RBFOX1: variants seen among roughly 807,000 people sequenced by gnomAD.
RBFOX1 encodes the protein RNA binding protein fox-1 homolog 1.
Under a neutral mutation model 57.7 loss-of-function variants are expected in RBFOX1, and 8 were observed. That is an observed-to-expected ratio of 0.14 (90% confidence interval 0.08 to 0.25). The LOEUF is 0.25. Ranked by LOEUF, RBFOX1 falls within the 10% of genes least tolerant of loss-of-function variation. The probability of loss-of-function intolerance (pLI) is 1.00; values close to 1 mark genes in which losing one functional copy is unlikely to be tolerated. For synonymous variants in RBFOX1, 326 were observed against 222.4 expected, an observed-to-expected ratio of 1.47 and a Z score of -4.15; for missense variants, 611 against 548.5, an observed-to-expected ratio of 1.11 and a Z score of -1.14.
chr16:7,516,711 T>A (rs1198316248), intron 4 of RBFOX1, among the ~76,000 whole-genome samples: 1 of 152,248 alleles, frequency 6.6e-6, no homozygotes, highest in Non-Finnish European at 1.5e-5. Context: ...ATGGGAATGA[T>A]TTACTTGTAA....
At chr16:6,227,650 A>G (rs765537200) in intron 1 of RBFOX1, among the ~76,000 whole-genome samples, 4 of 152,184 alleles carry the variant, frequency 2.6e-5, no homozygotes, top group Non-Finnish European at 2.9e-5. Context: ...ATCTATGACC[A>G]TGAGTCCAGA....
At chr16:6,604,260 T>C (rs545865343) in intron 2 of RBFOX1, among the ~76,000 whole-genome samples, 5 of 152,284 alleles carry the variant, frequency 3.3e-5, no homozygotes, top group African/African-American at 1.2e-4. Context: ...ATCAAAGCCA[T>C]CAAAATGGCT....
intron 3 of RBFOX1, among the ~76,000 whole-genome samples, chr16:6,803,283 G>A (rs12447496): frequency 0.21 from 31,780 of 152,108 alleles, 4,330 homozygotes; most frequent in Non-Finnish European, 0.3. Context: ...TTTCAGGAAG[G>A]CCCACATCCC....
At chr16:7,227,552 G>A (rs1258913573) in intron 4 of RBFOX1, among the ~76,000 whole-genome samples, 3 of 152,214 alleles carry the variant, frequency 2.0e-5, no homozygotes, top group African/African-American at 4.8e-5. Context: ...CCTGGGGGCA[G>A]CTTTCGGAGT....
intron 1 of RBFOX1, among the ~76,000 whole-genome samples, chr16:6,225,904 G>T (rs546567939): frequency 6.6e-6 from 1 of 152,156 alleles, no homozygotes; most frequent in African/African-American, 2.4e-5. Flanking sequence ...CACTGAAGCC[G>T]TGCTTTTTGA....
chr16:6,080,685 T>A (rs1042281254), intron 1 of RBFOX1, among the ~76,000 whole-genome samples: 1 of 152,212 alleles, frequency 6.6e-6, no homozygotes, highest in African/African-American at 2.4e-5. Context: ...TGTACTCTTC[T>A]CTGAATGAAT....
chr16:5,902,182 C>G (rs1180456281), intron 4 of RBFOX1, among the ~76,000 whole-genome samples: 1 of 152,120 alleles, frequency 6.6e-6, no homozygotes, highest in Non-Finnish European at 1.5e-5. Flanking sequence ...ATTTATCGCC[C>G]TCTCTCACCC....
chr16:6,545,407 C>T (rs945993642), intron 2 of RBFOX1, among the ~76,000 whole-genome samples: 1 of 152,296 alleles, frequency 6.6e-6, no homozygotes, highest in Non-Finnish European at 1.5e-5. Context: ...CTCTCTTTCT[C>T]TCCAGGCCAT....
chr16:6,769,559 C>T (rs1487754630), intron 3 of RBFOX1, among the ~76,000 whole-genome samples: 2 of 152,156 alleles, frequency 1.3e-5, no homozygotes, highest in Non-Finnish European at 2.9e-5. Flanking sequence ...CTGTTTTTGC[C>T]TATTCGTGAC....
chr16:7,128,313 T>A (rs1349923676), intron 4 of RBFOX1, among the ~76,000 whole-genome samples: 1 of 152,230 alleles, frequency 6.6e-6, no homozygotes, highest in African/African-American at 2.4e-5. Flanking sequence ...CTTAACCCCA[T>A]TTTAATATGG....
intron 3 of RBFOX1, among the ~76,000 whole-genome samples, chr16:5,692,637 G>C (rs1008721939): frequency 4.6e-5 from 7 of 152,124 alleles, no homozygotes; most frequent in African/African-American, 1.7e-4. Flanking sequence ...CAGGAGGTGA[G>C]TACGTACACA....
intron 4 of RBFOX1, among the ~76,000 whole-genome samples, chr16:7,102,750 C>T (rs2062905449): frequency 6.6e-6 from 1 of 152,130 alleles, no homozygotes. Context: ...TTAACATTAA[C>T]CTTTTACTAA....
chr16:5,759,293 G>A lies in RBFOX1; in HGVS notation c.319-108010G>A, dbSNP rs760907813. ...CAGGAAGCCATCTCTGGGTACACATGCTGTTTGCCCATAGTGGGAATTGGT... is the reference window on the plus strand; with the variant it reads ...CAGGAAGCCATCTCTGGGTACACATACTGTTTGCCCATAGTGGGAATTGGT... On this transcript the variant is annotated intron_variant, in intron 3 of 19. Coordinates refer to the RBFOX1 transcript ENST00000641259. Among the ~76,000 whole-genome samples, 2 of 152,176 alleles carry A rather than the reference G, an allele frequency of 1.3e-5. 1 individual carries two copies. Among genetic ancestry groups the A allele is most frequent in the South Asian group, 4.2e-4 (2 of 4,814 alleles).
At chr16:6,440,872 A>G (rs1277078648) in intron 2 of RBFOX1, among the ~76,000 whole-genome samples, 1 of 151,828 alleles carries the variant, frequency 6.6e-6, no homozygotes. Flanking sequence ...AGTCAAGTGC[A>G]ACAGTGAACA....
At chr16:5,708,825 A>G (rs984129230) in intron 3 of RBFOX1, among the ~76,000 whole-genome samples, 1 of 152,178 alleles carries the variant, frequency 6.6e-6, no homozygotes, top group African/African-American at 2.4e-5. Flanking sequence ...GGGAGCTGCC[A>G]TGGGCCACAA....
intron 1 of RBFOX1, among the ~76,000 whole-genome samples, chr16:6,022,208 T>C (rs1163530814): frequency 2.0e-5 from 3 of 152,136 alleles, no homozygotes; most frequent in Non-Finnish European, 2.9e-5. Context: ...TGAAAGGACT[T>C]GATCTCCTTG....
At chr16:6,403,860 C>G (rs1347102875) in intron 2 of RBFOX1, among the ~76,000 whole-genome samples, 1 of 151,952 alleles carries the variant, frequency 6.6e-6, no homozygotes, top group Non-Finnish European at 1.5e-5. Context: ...AATTAAGGTC[C>G]AATGAGATTA....
chr16:7,583,624 A>G (rs1033981530), intron 6 of RBFOX1, among the ~76,000 whole-genome samples: 10 of 152,334 alleles, frequency 6.6e-5, no homozygotes, highest in African/African-American at 2.4e-4. Flanking sequence ...CAATGACTAC[A>G]GTTCTCAAAT....
Position 5,745,319 on chromosome 16 carries a change from C to T in RBFOX1, c.319-121984C>T, listed in dbSNP as rs569609205. 2.0e-5 allele frequency among the ~76,000 whole-genome samples: 3 copies of T among 152,288 alleles called. No homozygotes were observed. In the East Asian group the frequency reaches 5.8e-4, roughly 29 times the overall value. ...AGTATCCCATGGTGTATATGTGCCACAATTTCTTAATCCGGTCTATCATTG... is the reference window on the plus strand; with the variant it reads ...AGTATCCCATGGTGTATATGTGCCATAATTTCTTAATCCGGTCTATCATTG... On this transcript the variant is annotated intron_variant, in intron 3 of 19. Transcript: ENST00000641259.
Sources: gnomAD v4.1 joint callset for allele counts (sites outside exome capture counted in the v4.1 genomes callset) on GRCh38, gnomAD v4.1.1 for gene constraint, MANE v1.5 for transcripts, NCBI Gene and HGNC (gene_info 2026-07-23, HGNC 2026-07-21) for gene names.